MAP2K3: variants seen among roughly 807,000 people sequenced by gnomAD.
MAP2K3 encodes the protein mitogen-activated protein kinase kinase 3.
A neutral mutation model predicts 46.4 loss-of-function variants in MAP2K3; 30 were observed. The observed-to-expected ratio is 0.65, with a 90% CI of 0.48 to 0.88. MAP2K3 has a LOEUF of 0.88. Among genes scored for constraint, MAP2K3 ranks in the 40% least tolerant of loss-of-function variants. The probability of loss-of-function intolerance (pLI) is 0.00; values close to 1 mark genes in which losing one functional copy is unlikely to be tolerated. For missense variants in MAP2K3, 380 were observed against 464.5 expected, an observed-to-expected ratio of 0.82 and a Z score of 1.67; for synonymous variants, 189 against 176.3, an observed-to-expected ratio of 1.07 and a Z score of -0.57.
At chr17:21,301,350 A>G (rs1002672084) in intron 5 of MAP2K3, among the ~76,000 whole-genome samples, 114 of 152,370 alleles carry the variant, frequency 7.5e-4, no homozygotes, top group Non-Finnish European at 2.5e-4. Context: ...GGCAACGGCC[A>G]TGGAGATATG....
chr17:21,299,042 T>G, intron 3 of MAP2K3, 116 bp downstream of exon 3: 10 of 1,480,440 alleles, frequency 6.8e-6, no homozygotes, highest in Non-Finnish European at 9.4e-6. Flanking sequence ...AGGGTCAGGC[T>G]CTGGAGAAGA....
intron 5 of MAP2K3, among the ~76,000 whole-genome samples, chr17:21,301,905 C>A (rs1383765989): frequency 2.6e-5 from 4 of 152,310 alleles, no homozygotes; most frequent in Non-Finnish European, 5.9e-5. Context: ...CTGGAGACAC[C>A]TGGAATTAGG....
intron 8 of MAP2K3, among the ~76,000 whole-genome samples, 180 bp downstream of exon 8, chr17:21,304,733 T>C (rs1314973832): frequency 6.6e-6 from 1 of 152,312 alleles, no homozygotes; most frequent in Non-Finnish European, 1.5e-5. Context: ...TGTACCCCGT[T>C]GTTAACTGAC....
intron 1 of MAP2K3, among the ~76,000 whole-genome samples, chr17:21,297,946 G>GC (rs1976353277): frequency 6.6e-6 from 1 of 152,304 alleles, no homozygotes; most frequent in Admixed American, 6.5e-5. Context: ...TGCCCTTTCT[G>GC]GGGGCCTGGC....
intron 1 of MAP2K3, among the ~76,000 whole-genome samples, chr17:21,292,096 T>C (rs149741140): frequency 2.4e-3 from 365 of 152,220 alleles, no homozygotes; most frequent in African/African-American, 7.1e-3. Context: ...AGGCGTGTCC[T>C]GGGGCCCCTG....
At chr17:21,303,988 T>C (rs1976748523) in intron 7 of MAP2K3, among the ~76,000 whole-genome samples, 1 of 152,312 alleles carries the variant, frequency 6.6e-6, no homozygotes, top group East Asian at 1.9e-4. Flanking sequence ...GCTGGGCTGC[T>C]CTCCCATGCT....
intron 6 of MAP2K3, 119 bp downstream of exon 6, chr17:21,302,378 G>GC: frequency 1.7e-6 from 2 of 1,162,442 alleles, no homozygotes; most frequent in African/African-American, 1.5e-5. Context: ...GCATCAATGT[G>GC]CCCCCTGAAC....
At chr17:21,290,720 C>T (rs1296894115) in intron 1 of MAP2K3, among the ~76,000 whole-genome samples, 1 of 152,310 alleles carries the variant, frequency 6.6e-6, no homozygotes, top group Non-Finnish European at 1.5e-5. Flanking sequence ...GAGGCCGAGA[C>T]AGGAGGATCA....
At chr17:21,301,531 G>T (rs1976600203) in intron 5 of MAP2K3, among the ~76,000 whole-genome samples, 1 of 152,310 alleles carries the variant, frequency 6.6e-6, no homozygotes, top group South Asian at 2.1e-4. Flanking sequence ...GCCCCTCAAA[G>T]AGCTGTGGCA....
At chr17:21,302,372 C>A in intron 6 of MAP2K3, 113 bp downstream of exon 6, 2 of 1,191,702 alleles carry the variant, frequency 1.7e-6, no homozygotes, top group Non-Finnish European at 2.5e-6. Context: ...AGCTGGGCAT[C>A]AATGTGCCCC....
intron 1 of MAP2K3, chr17:21,287,923 C>A: frequency 1.3e-6 from 1 of 788,162 alleles, no homozygotes; most frequent in Non-Finnish European, 1.9e-6. Flanking sequence ...ACCCCCCCAA[C>A]CCCTGGCTGT....
chr17:21,308,769 C>G (rs1040478192), intron 9 of MAP2K3, among the ~76,000 whole-genome samples: 3 of 152,194 alleles, frequency 2.0e-5, no homozygotes, highest in African/African-American at 7.2e-5. Context: ...TCATGACTAC[C>G]TCACACATAC....
intron 1 of MAP2K3, among the ~76,000 whole-genome samples, chr17:21,294,238 G>A (rs1475812231): frequency 2.4e-5 from 2 of 83,602 alleles, no homozygotes; most frequent in African/African-American, 4.4e-5. Flanking sequence ...AGCCCTTGTG[G>A]CTCCTTCCCT....
Position 21,300,780 on chromosome 17 carries a change from G to T in MAP2K3, c.280-94G>T. On this transcript the variant is annotated intron_variant, in intron 4 of 11. Transcript: ENST00000342679. ...GAGGCTAGGCTTTTTGGGGCACACT[G>T]GGCAGTGGCCCCCTGAGCTCCTGGC... is the stretch of plus-strand genomic sequence containing the variant. The T allele has an allele frequency of 1.9e-6, 3 of 1,609,944 alleles. No homozygotes were observed. In the South Asian group the frequency reaches 3.3e-5, roughly 18 times the overall value.
chr17:21,296,423 G>A (rs1301676483), intron 1 of MAP2K3, among the ~76,000 whole-genome samples: 1 of 152,428 alleles, frequency 6.6e-6, no homozygotes, highest in East Asian at 1.9e-4. Flanking sequence ...CTGTTAGAAT[G>A]TGCTGAGCCT....
At position 21,301,089 on chromosome 17, in the gene MAP2K3, T is replaced by C. The variant is rs1308658633; in HGVS notation, c.399+96T>C. The C allele has an allele frequency of 4.4e-6, 7 of 1,586,186 alleles. No homozygotes were observed. The East Asian group carries it at 1.3e-4, about 30-fold the overall frequency. On this transcript the variant is annotated intron_variant, in intron 5 of 11. Transcript: ENST00000342679. Reference sequence around the variant, plus strand: ...TCAGTCCCTCCAGTACGCCAGGTGCTGGGGACACCTGGCATACTGGCAGGA... The same window carrying C: ...TCAGTCCCTCCAGTACGCCAGGTGCCGGGGACACCTGGCATACTGGCAGGA...
At chr17:21,298,285 G>A in intron 1 of MAP2K3, 128 bp from the exon 2 acceptor site, 3 of 1,363,878 alleles carry the variant, frequency 2.2e-6, no homozygotes, top group Non-Finnish European at 3.1e-6. Flanking sequence ...CTTGGAGAGA[G>A]GGGGCTCCCG....
At chr17:21,290,858 G>A (rs1975881101) in intron 1 of MAP2K3, among the ~76,000 whole-genome samples, 1 of 152,308 alleles carries the variant, frequency 6.6e-6, no homozygotes, top group Non-Finnish European at 1.5e-5. Context: ...GGCAGAGGTG[G>A]GAGGATCGTT....
intron 1 of MAP2K3, among the ~76,000 whole-genome samples, chr17:21,292,122 C>A (rs1429547527): frequency 6.6e-6 from 1 of 152,310 alleles, no homozygotes; most frequent in Non-Finnish European, 1.5e-5. Flanking sequence ...AGCATCTGCA[C>A]TGGACAGTCT....
Sources: gnomAD v4.1 joint callset for allele counts (sites outside exome capture counted in the v4.1 genomes callset) on GRCh38, gnomAD v4.1.1 for gene constraint, MANE v1.5 for transcripts, NCBI Gene and HGNC (gene_info 2026-07-23, HGNC 2026-07-21) for gene names.